Variants in GALNT13 observed in about 807,000 individuals in gnomAD.
GALNT13 encodes UDP-GalNAc:polypeptide N-acetylgalactosaminyltransferase 13.
GALNT13 carries 28 observed loss-of-function variants against 64.2 expected under a neutral mutation model. The observed-to-expected ratio is 0.44, with a 90% CI of 0.32 to 0.60. GALNT13 has a LOEUF of 0.60. Ranked by LOEUF, GALNT13 falls within the 20% of genes least tolerant of loss-of-function variation. GALNT13 has a pLI of 0.05. For synonymous variants in GALNT13, 214 were observed against 224.6 expected, an observed-to-expected ratio of 0.95 and a Z score of 0.42; for missense variants, 577 against 669.8, an observed-to-expected ratio of 0.86 and a Z score of 1.53.
At chr2:154,094,608 CCT>C (rs562113488) in intron 3 of GALNT13, among the ~76,000 whole-genome samples, 163 of 151,992 alleles carry the variant, frequency 1.1e-3, no homozygotes, top group South Asian at 7.1e-3. Context: ...AATCAATCCT[CCT>C]CTTTTTCTAT....
At chr2:154,009,986 T>TA (rs1254665896) in intron 3 of GALNT13, among the ~76,000 whole-genome samples, 6 of 152,206 alleles carry the variant, frequency 3.9e-5, no homozygotes, top group Non-Finnish European at 7.4e-5. Context: ...ATAGAAATGT[T>TA]ACTGAGTTTT....
the GALNT13 span, among the ~76,000 whole-genome samples, chr2:153,316,970 A>C: frequency 6.6e-6 from 1 of 152,174 alleles, no homozygotes; most frequent in Admixed American, 6.5e-5. Flanking sequence ...GAAAATCTCT[A>C]CTTATCACTA....
intron 3 of GALNT13, among the ~76,000 whole-genome samples, chr2:153,994,848 T>G (rs1385745660): frequency 1.3e-5 from 2 of 152,040 alleles, no homozygotes; most frequent in Non-Finnish European, 2.9e-5. Flanking sequence ...ATTGCAAAAA[T>G]TTTCTCCCAT....
intron 3 of GALNT13, among the ~76,000 whole-genome samples, chr2:153,972,166 C>T (rs2105129775): frequency 6.7e-6 from 1 of 150,118 alleles, no homozygotes; most frequent in South Asian, 2.1e-4. Context: ...GCCTCCAGAA[C>T]TGTGTGAGAG....
chr2:153,343,451 C>T, the GALNT13 span, among the ~76,000 whole-genome samples: 1 of 152,008 alleles, frequency 6.6e-6, no homozygotes, highest in Non-Finnish European at 1.5e-5. Flanking sequence ...TTACCATGCA[C>T]ATTAGATAAA....
rs370822020 is a variant in GALNT13, at chr2:154,045,014, G to T, written c.143-95323G>T. The stretch of plus-strand genomic sequence containing the variant: ...GGTCAGTACCAGGGAAAAACAGAGG[G>T]CTTCTGAGCTGCATGGTGACATGTC... On this transcript the variant is annotated intron_variant, in intron 3 of 12. Transcript: ENST00000392825. 1.2e-4 allele frequency among the ~76,000 whole-genome samples: 19 copies of T among 152,224 alleles called. No homozygotes were observed. The East Asian group carries it at 3.7e-3, about 29-fold the overall frequency.
At chr2:154,450,322 A>T in intron 12 of GALNT13, 89 bp from the exon 13 acceptor site, 1 of 1,185,870 alleles carries the variant, frequency 8.4e-7, no homozygotes, top group East Asian at 2.4e-5. Flanking sequence ...AAAAATCATA[A>T]AGGATTTTTT....
the GALNT13 span, among the ~76,000 whole-genome samples, chr2:153,497,290 A>G: frequency 1.3e-5 from 2 of 152,086 alleles, no homozygotes; most frequent in East Asian, 3.9e-4. Flanking sequence ...CCTCAAGTAT[A>G]TAAGTTTTTT....
intron 3 of GALNT13, among the ~76,000 whole-genome samples, chr2:154,120,611 G>A (rs544505684): frequency 6.6e-6 from 1 of 152,288 alleles, no homozygotes; most frequent in South Asian, 2.1e-4. Context: ...TTTGTGCTGA[G>A]TGGAGCTACT....
chr2:153,272,777 A>C, the GALNT13 span, among the ~76,000 whole-genome samples: 1 of 152,210 alleles, frequency 6.6e-6, no homozygotes, highest in Non-Finnish European at 1.5e-5. Context: ...TATATACCTA[A>C]AGGATTATAA....
chr2:154,009,244 T>C (rs1227444482), intron 3 of GALNT13, among the ~76,000 whole-genome samples: 2 of 151,932 alleles, frequency 1.3e-5, no homozygotes, highest in Non-Finnish European at 2.9e-5. Flanking sequence ...CTCTATCCTG[T>C]TGCATTGGTC....
At chr2:153,294,439 T>C in the GALNT13 span, among the ~76,000 whole-genome samples, 3 of 152,236 alleles carry the variant, frequency 2.0e-5, no homozygotes, top group Admixed American at 6.5e-5. Context: ...TGGATTCAGA[T>C]ACTGTGGAGC....
At chr2:154,167,004 C>A (rs912187886) in intron 4 of GALNT13, among the ~76,000 whole-genome samples, 4 of 151,958 alleles carry the variant, frequency 2.6e-5, no homozygotes, top group South Asian at 2.1e-4. Context: ...GGAGGGATAG[C>A]ATTAGGAGAT....
downstream of GALNT13, among the ~76,000 whole-genome samples, chr2:154,456,386 T>G (rs2695410): frequency 0.99 from 150,877 of 152,120 alleles, 74,839 homozygotes; most frequent in Middle Eastern, 1. Context: ...ATTTAAATAT[T>G]CATACATTTT....
the GALNT13 span, among the ~76,000 whole-genome samples, chr2:153,803,703 A>AAG: frequency 5.3e-5 from 8 of 150,740 alleles, no homozygotes; most frequent in Middle Eastern, 3.4e-3. Context: ...AAAAAAAAAA[A>AAG]AAAAAGAAAA....
chr2:153,805,553 A>G, the GALNT13 span, among the ~76,000 whole-genome samples: 5 of 152,096 alleles, frequency 3.3e-5, no homozygotes, highest in Non-Finnish European at 5.9e-5. Context: ...AACGTTAACT[A>G]TATAGTTACT....
chr2:153,354,326 TATA>T, the GALNT13 span: 1 of 152,220 alleles, frequency 6.6e-6, no homozygotes, highest in African/African-American at 2.4e-5. Flanking sequence ...TTATACTCAC[TATA>T]ATGACCTGTC....
intron 2 of GALNT13, among the ~76,000 whole-genome samples, chr2:153,930,886 G>A (rs1203999777): frequency 1.3e-5 from 2 of 152,018 alleles, no homozygotes; most frequent in East Asian, 3.9e-4. Context: ...TGATAGGAAT[G>A]GTATTGAATC....
At chr2:154,275,350 T>C (rs1418125604) in intron 8 of GALNT13, among the ~76,000 whole-genome samples, 1 of 152,048 alleles carries the variant, frequency 6.6e-6, no homozygotes, top group Non-Finnish European at 1.5e-5. Flanking sequence ...AAAAATAGTT[T>C]AGTGAGTTGA....
Sources: gnomAD v4.1 joint callset for allele counts (sites outside exome capture counted in the v4.1 genomes callset) on GRCh38, gnomAD v4.1.1 for gene constraint, MANE v1.5 for transcripts, NCBI Gene and HGNC (gene_info 2026-07-23, HGNC 2026-07-21) for gene names.